TMEM132D: variants seen among roughly 807,000 people sequenced by gnomAD.
The protein encoded by TMEM132D is mature OL transmembrane protein.
Under a neutral mutation model 62.3 loss-of-function variants are expected in TMEM132D, and 21 were observed. That is an observed-to-expected ratio of 0.34 (90% confidence interval 0.24 to 0.49). TMEM132D has a LOEUF of 0.49. Ranked by LOEUF, TMEM132D falls within the 20% of genes least tolerant of loss-of-function variation. The pLI, the probability that TMEM132D is intolerant of heterozygous loss-of-function variation, is 0.99. For missense variants in TMEM132D, 1,346 were observed against 1,402.8 expected (o/e 0.96, Z 0.65); for synonymous variants, 621 against 575.6 (o/e 1.08, Z -1.13).
intron 3 of TMEM132D, among the ~76,000 whole-genome samples, chr12:129,470,672 T>A (rs554451040): frequency 2.0e-5 from 3 of 152,230 alleles, no homozygotes; most frequent in Non-Finnish European, 2.9e-5. Flanking sequence ...TCATGTCTCA[T>A]GACAACATGA....
chr12:129,751,215 G>T (rs545225368), intron 1 of TMEM132D, among the ~76,000 whole-genome samples: 1 of 152,134 alleles, frequency 6.6e-6, no homozygotes, highest in Non-Finnish European at 1.5e-5. Flanking sequence ...AATCATGACT[G>T]GGGGAGCCTC....
At chr12:129,681,038 C>G (rs942558668) in intron 2 of TMEM132D, among the ~76,000 whole-genome samples, 1 of 152,128 alleles carries the variant, frequency 6.6e-6, no homozygotes, top group Non-Finnish European at 1.5e-5. Context: ...TAATCAAAAG[C>G]CAGAGCTGGG....
chr12:129,539,072 C>T (rs906795425), intron 2 of TMEM132D, among the ~76,000 whole-genome samples: 1 of 151,986 alleles, frequency 6.6e-6, no homozygotes, highest in African/African-American at 2.4e-5. Context: ...CAGGAAGAGA[C>T]CATGTGGGTG....
chr12:129,136,122 A>T (rs1876549781), intron 5 of TMEM132D, among the ~76,000 whole-genome samples: 1 of 152,226 alleles, frequency 6.6e-6, no homozygotes, highest in Admixed American at 6.5e-5. Context: ...ATTTTTATTA[A>T]GTTCATACTT....
intron 3 of TMEM132D, among the ~76,000 whole-genome samples, chr12:129,341,742 T>C (rs975532605): frequency 6.6e-6 from 1 of 152,040 alleles, no homozygotes; most frequent in African/African-American, 2.4e-5. Context: ...GGATACAAAA[T>C]CAATGTACAA....
intron 1 of TMEM132D, among the ~76,000 whole-genome samples, chr12:129,793,700 A>G (rs968636379): frequency 1.3e-5 from 2 of 152,234 alleles, no homozygotes; most frequent in Non-Finnish European, 2.9e-5. Flanking sequence ...TGATAAACAC[A>G]GCCAAACTGC....
intron 5 of TMEM132D, among the ~76,000 whole-genome samples, chr12:129,103,920 T>C (rs1875399524): frequency 6.6e-6 from 1 of 152,246 alleles, no homozygotes; most frequent in Non-Finnish European, 1.5e-5. Context: ...GAACATTCCA[T>C]GCTCGTGGGT....
Position 129,219,992 on chromosome 12 carries a change from C to T in TMEM132D, c.1300-10329G>A, listed in dbSNP as rs575213624. ...TTCTTGAATTGCTAATATATTTGTT[C>T]TCTAAAATATGTACTTCATTTCTCA... On this transcript the variant is annotated intron_variant, in intron 4 of 8. Coordinates refer to ENST00000422113, the MANE Select transcript of TMEM132D (RefSeq NM_133448.3). Among the ~76,000 whole-genome samples the T allele has an allele frequency of 3.2e-4, 48 of 152,302 alleles. 1 individual carries two copies. The South Asian group carries it at 9.5e-3, about 30-fold the overall frequency.
intron 2 of TMEM132D, among the ~76,000 whole-genome samples, chr12:129,673,215 T>C (rs1254298160): frequency 2.0e-5 from 3 of 152,218 alleles, no homozygotes; most frequent in African/African-American, 7.2e-5. Context: ...TTACTATATA[T>C]TAACTCTTCC....
intron 5 of TMEM132D, among the ~76,000 whole-genome samples, chr12:129,159,314 C>A: frequency 6.6e-6 from 1 of 152,140 alleles, no homozygotes; most frequent in East Asian, 1.9e-4. Context: ...TGTTGATGAG[C>A]TGTGAAAACC....
chr12:129,382,438 A>G (rs1324496712), intron 3 of TMEM132D, among the ~76,000 whole-genome samples: 1 of 152,202 alleles, frequency 6.6e-6, no homozygotes, highest in Admixed American at 6.5e-5. Flanking sequence ...GTTGTCCTTC[A>G]TATTGAAAGA....
intron 4 of TMEM132D, among the ~76,000 whole-genome samples, chr12:129,240,076 G>T (rs767419726): frequency 6.6e-6 from 1 of 152,088 alleles, no homozygotes; most frequent in African/African-American, 2.4e-5. Context: ...TAGCATTAGG[G>T]ATAAAAGTTG....
At chr12:129,131,630 G>GAAAT (rs1422577784) in intron 5 of TMEM132D, among the ~76,000 whole-genome samples, 1 of 151,906 alleles carries the variant, frequency 6.6e-6, no homozygotes, top group Non-Finnish European at 1.5e-5. Flanking sequence ...AAGAAAGAAA[G>GAAAT]AAATTATCCT....
intron 1 of TMEM132D, among the ~76,000 whole-genome samples, chr12:129,705,056 A>G (rs1458868197): frequency 6.6e-6 from 1 of 152,142 alleles, no homozygotes; most frequent in Non-Finnish European, 1.5e-5. Context: ...AATTTATCAT[A>G]TGAGAATGGG....
Position 129,084,298 on chromosome 12 carries a change from G to T in TMEM132D, c.1649+199C>A, listed in dbSNP as rs551401954. On this transcript the variant is annotated intron_variant, in intron 6 of 8. Transcript: ENST00000422113. ...AGGCACTTTCTGCTGGAGTTGCAGA[G>T]AAGAGAGGATGAAAGCCTGGAACCT... 2.6e-5 allele frequency among the ~76,000 whole-genome samples: 4 copies of T among 152,288 alleles called. No individual in the cohort carries two copies. In the East Asian group the frequency reaches 7.7e-4, roughly 29 times the overall value.
intron 1 of TMEM132D, among the ~76,000 whole-genome samples, chr12:129,801,168 A>G (rs986890870): frequency 2.6e-5 from 4 of 152,244 alleles, no homozygotes; most frequent in African/African-American, 9.6e-5. Context: ...AGGCTTGCTC[A>G]GGTAAACAAA....
chr12:129,424,987 T>C (rs1384974481), intron 3 of TMEM132D, among the ~76,000 whole-genome samples: 1 of 152,152 alleles, frequency 6.6e-6, no homozygotes, highest in Non-Finnish European at 1.5e-5. Flanking sequence ...ATCAATCTAC[T>C]TTCTGTCTCT....
intron 3 of TMEM132D, among the ~76,000 whole-genome samples, chr12:129,402,788 C>T (rs1871660451): frequency 6.6e-6 from 1 of 151,970 alleles, no homozygotes; most frequent in South Asian, 2.1e-4. Context: ...GTGGGACAGC[C>T]ACCATCTGCA....
chr12:129,599,979 TA>T (rs1223880571), intron 2 of TMEM132D, among the ~76,000 whole-genome samples: 2 of 152,134 alleles, frequency 1.3e-5, no homozygotes, highest in Non-Finnish European at 2.9e-5. Flanking sequence ...GGCAATGTCT[TA>T]AAAAAGGCAA....
Sources: allele counts gnomAD v4.1 joint callset (sites outside exome capture counted in the v4.1 genomes callset), GRCh38; gene constraint gnomAD v4.1.1; transcripts MANE v1.5; gene names NCBI Gene and HGNC (gene_info 2026-07-23, HGNC 2026-07-21).